CWC27: variants seen among roughly 807,000 people sequenced by gnomAD.
CWC27 encodes the protein CWC27 spliceosome associated cyclophilin.
Under a neutral mutation model 63.6 loss-of-function variants are expected in CWC27, and 47 were observed. The ratio of observed to expected loss-of-function variants is 0.74; its 90% CI spans 0.58 to 0.94. The LOEUF (loss-of-function observed/expected upper bound fraction) is 0.94. Ranked by LOEUF, CWC27 falls within the 40% of genes least tolerant of loss-of-function variation. The pLI is 0.00. For missense variants in CWC27, 495 were observed against 554.3 expected (o/e 0.89, Z 1.07); for synonymous variants, 175 against 179.8 (o/e 0.97, Z 0.22).
chr5:64,788,297 G>A (rs1252138495), intron 6 of CWC27, among the ~76,000 whole-genome samples: 2 of 151,028 alleles, frequency 1.3e-5, no homozygotes, highest in African/African-American at 2.4e-5. Flanking sequence ...TATGTTGGTC[G>A]TTGCTTGCTT....
At chr5:65,016,406 C>T (rs767253540) in intron 13 of CWC27, among the ~76,000 whole-genome samples, 5 of 151,980 alleles carry the variant, frequency 3.3e-5, no homozygotes, top group Non-Finnish European at 7.4e-5. Context: ...GAGGCTGAGG[C>T]AAGGTGTTCA....
chr5:64,827,167 A>G (rs1261162514), intron 10 of CWC27, among the ~76,000 whole-genome samples: 1 of 152,160 alleles, frequency 6.6e-6, no homozygotes. Context: ...TTAATTTACA[A>G]TTCATTTAAC....
intron 11 of CWC27, among the ~76,000 whole-genome samples, chr5:64,894,054 C>T (rs541326556): frequency 6.6e-6 from 1 of 151,788 alleles, no homozygotes; most frequent in Non-Finnish European, 1.5e-5. Flanking sequence ...CTCAGCCTCC[C>T]GAGTAGCTGG....
chr5:64,863,283 T>C (rs1429789004), intron 10 of CWC27, among the ~76,000 whole-genome samples: 3 of 152,174 alleles, frequency 2.0e-5, no homozygotes, highest in Non-Finnish European at 4.4e-5. Context: ...GGATGGGTGA[T>C]ACTGTGATGG....
chr5:64,789,873 AGC>A (rs1744014247), intron 7 of CWC27, among the ~76,000 whole-genome samples: 1 of 152,184 alleles, frequency 6.6e-6, no homozygotes, highest in Non-Finnish European at 1.5e-5. Flanking sequence ...ATAACCTATA[AGC>A]CTTACTTGCT....
At chr5:64,907,409 AT>A (rs775205882) in intron 11 of CWC27, among the ~76,000 whole-genome samples, 1 of 151,976 alleles carries the variant, frequency 6.6e-6, no homozygotes, top group Admixed American at 6.6e-5. Flanking sequence ...ATTCCTGTGT[AT>A]TTTATTCTCT....
chr5:64,887,121 G>A (rs1307663356), intron 11 of CWC27, among the ~76,000 whole-genome samples: 1 of 151,830 alleles, frequency 6.6e-6, no homozygotes, highest in East Asian at 1.9e-4. Context: ...CACTATGCTG[G>A]ATTAGGAGTG....
rs1743137709 is a variant in CWC27 at position 64,769,015 on chromosome 5, G to A, written c.-132G>A. On this transcript the variant is annotated 5_prime_UTR_variant, in exon 1 of 14. In the 5' UTR this introduces an upstream ATG that the reference lacks. Coordinates refer to ENST00000381070, the MANE Select transcript of CWC27 (RefSeq NM_005869.4). ...GTAGTGTTTGGTGTCCCTGTCTTGC[G>A]TGATATTGACAAACTGAAGCTTTCC... 2.7e-6 allele frequency: 2 copies of A among 743,842 alleles called. No individual in the cohort carries two copies. Among genetic ancestry groups the A allele is most frequent in the South Asian group, 3.1e-5 (2 of 63,930 alleles). 46.1% of individuals were successfully genotyped at this position (743,842 alleles called of 1,614,324 possible). A position where few individuals can be genotyped will look rare whatever the true frequency, so the allele number is the denominator to read the frequency against.
At chr5:64,787,731 T>G (rs1743937211) in intron 6 of CWC27, among the ~76,000 whole-genome samples, 1 of 152,134 alleles carries the variant, frequency 6.6e-6, no homozygotes, top group Admixed American at 6.6e-5. Flanking sequence ...TTCAACGTAC[T>G]CTTTTACTGA....
At chr5:64,821,102 T>A (rs1006871630) in intron 10 of CWC27, among the ~76,000 whole-genome samples, 17 of 151,034 alleles carry the variant, frequency 1.1e-4, no homozygotes, top group African/African-American at 3.9e-4. Flanking sequence ...TTTTTTTTTT[T>A]TTTGAGAGAG....
chr5:64,929,355 C>CA (rs898826313), intron 11 of CWC27, among the ~76,000 whole-genome samples: 2 of 151,182 alleles, frequency 1.3e-5, no homozygotes, highest in Non-Finnish European at 2.9e-5. Flanking sequence ...ACCTGTTCTA[C>CA]AAAAAAAGAA....
At chr5:64,826,736 C>T (rs1279191655) in intron 10 of CWC27, among the ~76,000 whole-genome samples, 2 of 147,440 alleles carry the variant, frequency 1.4e-5, no homozygotes. Context: ...CAATGTAATA[C>T]AACTGTTAGT....
intron 12 of CWC27, among the ~76,000 whole-genome samples, chr5:64,974,626 A>G (rs1294966794): frequency 6.6e-6 from 1 of 152,216 alleles, no homozygotes; most frequent in Non-Finnish European, 1.5e-5. Flanking sequence ...CAGCCAGACC[A>G]TATCATATAG....
intron 10 of CWC27, among the ~76,000 whole-genome samples, chr5:64,839,186 A>G (rs12651884): frequency 0.34 from 50,971 of 151,992 alleles, 8,882 homozygotes; most frequent in East Asian, 0.51. Context: ...TAAATGTGTG[A>G]GGTGCACAGA....
At chr5:64,991,049 A>G (rs1465104028) in intron 13 of CWC27, among the ~76,000 whole-genome samples, 1 of 152,244 alleles carries the variant, frequency 6.6e-6, no homozygotes, top group Non-Finnish European at 1.5e-5. Flanking sequence ...TAATATCCCA[A>G]GTGAGATAAG....
chr5:64,840,386 A>ATATATAC (rs1337676548), intron 10 of CWC27, among the ~76,000 whole-genome samples: 19 of 56,852 alleles, frequency 3.3e-4, no homozygotes, highest in Non-Finnish European at 5.4e-4. Flanking sequence ...AAAAAAAAAA[A>ATATATAC]AAAAAAAAAT....
At chr5:64,955,027 G>A (rs1175568952) in intron 11 of CWC27, among the ~76,000 whole-genome samples, 2 of 151,912 alleles carry the variant, frequency 1.3e-5, no homozygotes, top group East Asian at 1.9e-4. Context: ...TTTGGAAATA[G>A]GATTTAATAT....
chr5:64,783,755 G>A (rs746064970), intron 3 of CWC27, 81 bp from the exon 4 acceptor site: 28 of 1,183,864 alleles, frequency 2.4e-5, no homozygotes, highest in Non-Finnish European at 3.2e-5. Context: ...AAGTTGTATG[G>A]GACCTTGCAG....
Position 64,787,014 on chromosome 5 carries a change from G to C in CWC27, c.599+387G>C, listed in dbSNP as rs76543871. Among the ~76,000 whole-genome samples the C allele has an allele frequency of 4.8e-4, 73 of 152,298 alleles. 1 individual carries two copies. Among genetic ancestry groups the C allele is most frequent in the African/African-American group, 1.7e-3 (71 of 41,554 alleles). On this transcript the variant is annotated intron_variant, in intron 6 of 13. Transcript: ENST00000381070. ...ACCTTCTTCACAAGGCAGCAGGGGA[G>C]AGAGCGAGTGGGAAGGAGGAACTGT...
Sources: gnomAD v4.1 joint callset for allele counts (sites outside exome capture counted in the v4.1 genomes callset) on GRCh38, gnomAD v4.1.1 for gene constraint, MANE v1.5 for transcripts, NCBI Gene and HGNC (gene_info 2026-07-23, HGNC 2026-07-21) for gene names.